The following DLGAP4 variants were observed in gnomAD, a reference collection of about 807,000 sequenced individuals.
DLGAP4 encodes the protein DLG associated protein 4.
A neutral mutation model predicts 86.9 loss-of-function variants in DLGAP4; 18 were observed. The observed-to-expected ratio is 0.21, with a 90% CI of 0.14 to 0.31. The LOEUF (loss-of-function observed/expected upper bound fraction) is 0.31. Ranked by LOEUF, DLGAP4 falls within the 10% of genes least tolerant of loss-of-function variation. DLGAP4 has a pLI of 1.00. For missense variants in DLGAP4, 1,085 were observed against 1,362.6 expected (o/e 0.80, Z 3.21); for synonymous variants, 548 against 574.3 (o/e 0.95, Z 0.65).
At chr20:36,472,484 A>G (rs1329206578) in intron 7 of DLGAP4, among the ~76,000 whole-genome samples, 1 of 150,398 alleles carries the variant, frequency 6.6e-6, no homozygotes, top group East Asian at 2.0e-4. Flanking sequence ...CTGGGTGACA[A>G]AGCAAAACCC....
intron 7 of DLGAP4, among the ~76,000 whole-genome samples, chr20:36,463,607 A>AT (rs2034200414): frequency 6.6e-6 from 1 of 152,204 alleles, no homozygotes; most frequent in South Asian, 2.1e-4. Flanking sequence ...GTAAAGATAG[A>AT]TGGGCGTGCC....
chr20:36,356,536 T>C (rs1410229574), intron 1 of DLGAP4, among the ~76,000 whole-genome samples: 3 of 152,072 alleles, frequency 2.0e-5, no homozygotes, highest in Non-Finnish European at 4.4e-5. Context: ...GGTCTCGAAC[T>C]CCTGACCTCA....
At chr20:36,443,363 C>G (rs1569501546) in intron 6 of DLGAP4, among the ~76,000 whole-genome samples, 1 of 152,176 alleles carries the variant, frequency 6.6e-6, no homozygotes, top group Non-Finnish European at 1.5e-5. Flanking sequence ...TCCTCCCTCC[C>G]AGGCCAAAGA....
intron 2 of DLGAP4, among the ~76,000 whole-genome samples, chr20:36,376,947 T>C (rs2031179175): frequency 6.6e-6 from 1 of 152,166 alleles, no homozygotes; most frequent in African/African-American, 2.4e-5. Flanking sequence ...GAAGTAATTC[T>C]GGTTACCACG....
intron 2 of DLGAP4, among the ~76,000 whole-genome samples, chr20:36,389,978 G>T (rs2031731472): frequency 6.6e-6 from 1 of 152,220 alleles, no homozygotes; most frequent in South Asian, 2.1e-4. Context: ...TGAAACCAAA[G>T]CATGGGTGGT....
intron 10 of DLGAP4, among the ~76,000 whole-genome samples, chr20:36,509,507 G>T (rs1181425960): frequency 6.6e-6 from 1 of 151,324 alleles, no homozygotes; most frequent in African/African-American, 2.4e-5. Context: ...GGAGGCAGAG[G>T]TTGCACTGAG....
At chr20:36,413,214 A>G (rs1329935019) in intron 2 of DLGAP4, among the ~76,000 whole-genome samples, 2 of 151,614 alleles carry the variant, frequency 1.3e-5, no homozygotes, top group Non-Finnish European at 2.9e-5. Flanking sequence ...CCCACCTCAG[A>G]TGATCCACCC....
At chr20:36,438,866 G>A (rs780444594) in intron 4 of DLGAP4, among the ~76,000 whole-genome samples, 12 of 151,864 alleles carry the variant, frequency 7.9e-5, no homozygotes, top group South Asian at 6.2e-4. Context: ...TGAGCTGCCC[G>A]CCTCAGCCTC....
At chr20:36,474,563 G>A (rs767974769) in intron 7 of DLGAP4, among the ~76,000 whole-genome samples, 2 of 152,188 alleles carry the variant, frequency 1.3e-5, no homozygotes, top group South Asian at 2.1e-4. Flanking sequence ...TCCCCCTGGC[G>A]TGGCTGTTGC....
chr20:36,337,040 G>C (rs543455840), intron 1 of DLGAP4, among the ~76,000 whole-genome samples: 3 of 152,274 alleles, frequency 2.0e-5, no homozygotes, highest in South Asian at 4.1e-4. Context: ...TGGGGGAGTC[G>C]GGAGAGAGTG....
chr20:36,527,531 C>T lies in DLGAP4; in HGVS notation c.*500C>T, dbSNP rs2037843034. On this transcript the variant is annotated 3_prime_UTR_variant, in exon 13 of 13. Transcript: ENST00000339266. Reference sequence around the variant, plus strand: ...GCTCACACAGTGGTCACCATTGTGGCAAGCGGCTTTCTGGGTCTCAGCCCT... The same window carrying T: ...GCTCACACAGTGGTCACCATTGTGGTAAGCGGCTTTCTGGGTCTCAGCCCT... 6.5e-6 allele frequency: 1 copy of T among 153,182 alleles called. No homozygotes were observed. The highest frequency in any genetic ancestry group is 6.5e-5 in the Admixed American group (1 of 15,366). The allele number at this position is 153,182 out of a possible 1,614,324, so 9.5% of individuals were successfully genotyped here.
intron 7 of DLGAP4, among the ~76,000 whole-genome samples, chr20:36,471,495 AAAATAAATAAAT>A (rs552350361): frequency 2.6e-5 from 4 of 151,986 alleles, no homozygotes; most frequent in Non-Finnish European, 5.9e-5. Context: ...CTCCATCTCA[AAAATAAATAAAT>A]AAATAAATAA....
At chr20:36,339,220 T>C (rs949776662) in intron 1 of DLGAP4, among the ~76,000 whole-genome samples, 15 of 151,494 alleles carry the variant, frequency 9.9e-5, no homozygotes, top group African/African-American at 3.4e-4. Flanking sequence ...CCCAAGTAGC[T>C]GGGACTGAAG....
chr20:36,337,634 T>C (rs1000706242), intron 1 of DLGAP4, among the ~76,000 whole-genome samples: 1 of 152,078 alleles, frequency 6.6e-6, no homozygotes, highest in Non-Finnish European at 1.5e-5. Flanking sequence ...AGGGTTAAAT[T>C]TGCAGCGGAT....
intron 2 of DLGAP4, among the ~76,000 whole-genome samples, chr20:36,386,698 C>A (rs1248961982): frequency 6.6e-6 from 1 of 152,122 alleles, no homozygotes; most frequent in East Asian, 1.9e-4. Flanking sequence ...GATCCTCCCA[C>A]CTCAGCCTCC....
At chr20:36,476,484 T>G (rs2034932913) in intron 7 of DLGAP4, among the ~76,000 whole-genome samples, 1 of 150,340 alleles carries the variant, frequency 6.7e-6, no homozygotes, top group African/African-American at 2.4e-5. Context: ...TCTGCCACCA[T>G]GCCCGGCTAA....
Position 36,500,327 on chromosome 20 carries a change from TCAGCATCGATGCCGGTCCCCGGCAGGC to T in DLGAP4, c.2230_2256del (p.Ser744_Ala752del). 6.2e-7 allele frequency: 1 copy of T among 1,613,858 alleles called. No homozygotes were observed. Among genetic ancestry groups the T allele is most frequent in the Non-Finnish European group, 8.5e-7 (1 of 1,179,864 alleles). On this transcript the variant is annotated inframe_deletion, in exon 10 of 13. Coordinates refer to ENST00000339266, the MANE Select transcript of DLGAP4 (RefSeq NM_001365621.2). This position sits in a 1 kb window ranked among gnomAD's most constrained non-coding sequence, Gnocchi z 4.6. The stretch of plus-strand genomic sequence containing the variant: ...GACTGTACCCCTCACCCCAACTCCA[TCAGCATCGATGCCGGTCCCCGGCAGGC>T]CCCCAAGATTGCCCAGATCAAGCGC...
chr20:36,520,789 T>C (rs1329923803), intron 10 of DLGAP4, among the ~76,000 whole-genome samples: 5 of 152,018 alleles, frequency 3.3e-5, no homozygotes, highest in Admixed American at 6.6e-5. Context: ...TAAGAAACCA[T>C]TGCAAAATCC....
At chr20:36,441,768 A>C (rs2033453268) in intron 5 of DLGAP4, among the ~76,000 whole-genome samples, 1 of 147,904 alleles carries the variant, frequency 6.8e-6, no homozygotes, top group African/African-American at 2.5e-5. Context: ...CCTCATTCAC[A>C]TTTTTCTCTG....
Sources: allele counts gnomAD v4.1 joint callset (sites outside exome capture counted in the v4.1 genomes callset), GRCh38; gene constraint gnomAD v4.1.1; non-coding constraint Gnocchi (gnomAD v3.1); transcripts MANE v1.5; gene names NCBI Gene and HGNC (gene_info 2026-07-23, HGNC 2026-07-21).